Variants in MGAT4A observed in about 807,000 individuals in gnomAD.
MGAT4A encodes N-acetylglucosaminyltransferase IVa.
MGAT4A carries 33 observed loss-of-function variants against 74.1 expected under a neutral mutation model. The ratio of observed to expected loss-of-function variants is 0.45; its 90% CI spans 0.34 to 0.60. The LOEUF (loss-of-function observed/expected upper bound fraction) is 0.60. Ranked by LOEUF, MGAT4A falls within the 20% of genes least tolerant of loss-of-function variation. The pLI, the probability that MGAT4A is intolerant of heterozygous loss-of-function variation, is 0.02. For missense variants in MGAT4A, 479 were observed against 628.3 expected, an observed-to-expected ratio of 0.76 and a Z score of 2.54; for synonymous variants, 198 against 210.4, an observed-to-expected ratio of 0.94 and a Z score of 0.51.
rs922881757 is a variant in MGAT4A at position 98,623,465 on chromosome 2, T to C, written c.*2101A>G. 1 of 985,318 alleles carries C rather than the reference T, an allele frequency of 1.0e-6. No individual in the cohort carries two copies. The highest frequency in any genetic ancestry group is 1.2e-6 in the Non-Finnish European group (1 of 829,938). The allele number at this position is 985,318 out of a possible 1,614,324, so 61.0% of individuals were successfully genotyped here. A position where few individuals can be genotyped will look rare whatever the true frequency, so the allele number is the denominator to read the frequency against. ...GAGATTTTTACTTCTGGTACTCAGT[T>C]ATCTTTGCAGTAATTTAGTATACCA... is the stretch of plus-strand genomic sequence containing the variant. On this transcript the variant is annotated 3_prime_UTR_variant, in exon 16 of 16. Coordinates refer to ENST00000393487, the MANE Select transcript of MGAT4A (RefSeq NM_012214.3).
intron 2 of MGAT4A, among the ~76,000 whole-genome samples, chr2:98,706,891 T>C (rs200132405): frequency 4.2e-5 from 4 of 94,812 alleles, no homozygotes; most frequent in Non-Finnish European, 6.8e-5. Context: ...TCATTAAAAA[T>C]GAAAAAAAAA....
At chr2:98,663,375 C>A (rs1375324652) in intron 4 of MGAT4A, 196 bp from the exon 5 acceptor site, 7 of 1,520,766 alleles carry the variant, frequency 4.6e-6, no homozygotes, top group Non-Finnish European at 5.3e-6. Context: ...CATGGCTTAA[C>A]CATAAGAAAA....
intron 1 of MGAT4A, among the ~76,000 whole-genome samples, chr2:98,727,753 A>G (rs1702786180): frequency 6.6e-6 from 1 of 152,222 alleles, no homozygotes; most frequent in Admixed American, 6.5e-5. Context: ...AACACTGAAC[A>G]CTACTAGAAA....
At chr2:98,683,103 A>AT (rs1444917013) in intron 2 of MGAT4A, among the ~76,000 whole-genome samples, 5 of 150,718 alleles carry the variant, frequency 3.3e-5, no homozygotes, top group African/African-American at 1.2e-4. Flanking sequence ...AAAAACAAAA[A>AT]AAATAAAAAA....
chr2:98,717,327 C>T (rs1319078840), intron 2 of MGAT4A, among the ~76,000 whole-genome samples: 1 of 150,310 alleles, frequency 6.7e-6, no homozygotes, highest in Non-Finnish European at 1.5e-5. Flanking sequence ...TACAGTGAAC[C>T]GAGATCGTGC....
At chr2:98,708,064 C>A (rs1702464164) in intron 2 of MGAT4A, among the ~76,000 whole-genome samples, 1 of 151,962 alleles carries the variant, frequency 6.6e-6, no homozygotes, top group Non-Finnish European at 1.5e-5. Context: ...TGTAATAGAC[C>A]AAAATATATA....
intron 2 of MGAT4A, among the ~76,000 whole-genome samples, chr2:98,722,146 T>C (rs1210738456): frequency 1.3e-5 from 2 of 152,202 alleles, no homozygotes; most frequent in Non-Finnish European, 2.9e-5. Context: ...TTCCACTCCT[T>C]GGTAAATACC....
chr2:98,719,017 AAAG>A, intron 2 of MGAT4A, among the ~76,000 whole-genome samples: 1 of 152,160 alleles, frequency 6.6e-6, no homozygotes, highest in Non-Finnish European at 1.5e-5. Flanking sequence ...ATCTCTTCCC[AAAG>A]AAGGGGCTTC....
At chr2:98,657,928 ACT>A (rs1701682500) in intron 6 of MGAT4A, among the ~76,000 whole-genome samples, 1 of 152,024 alleles carries the variant, frequency 6.6e-6, no homozygotes, top group Non-Finnish European at 1.5e-5. Context: ...ATCTCATATG[ACT>A]CTCTCTGTAT....
In MGAT4A at chr2:98,623,126, G is replaced by T. The variant is rs1701085891; in HGVS notation, c.*2440C>A. The stretch of plus-strand genomic sequence containing the variant: ...TGCCACGTGCCTGGCACACACCCTA[G>T]GCACGGGTAGATTCATGGGGAGAGA... On this transcript the variant is annotated 3_prime_UTR_variant, in exon 16 of 16. Coordinates refer to ENST00000393487, the MANE Select transcript of MGAT4A (RefSeq NM_012214.3). 1 of 985,362 alleles carries T rather than the reference G, an allele frequency of 1.0e-6. No homozygotes were observed. The highest frequency in any genetic ancestry group is 6.2e-5 in the Admixed American group (1 of 16,254). The allele number at this position is 985,362 out of a possible 1,614,324, so 61.0% of individuals were successfully genotyped here. A position where few individuals can be genotyped will look rare whatever the true frequency, so the allele number is the denominator to read the frequency against.
At chr2:98,645,387 A>G in intron 9 of MGAT4A, 41 bp downstream of exon 9, 1 of 1,372,062 alleles carries the variant, frequency 7.3e-7, no homozygotes, top group South Asian at 1.4e-5. Flanking sequence ...TGAGAGTCAC[A>G]GTTATTTATG....
chr2:98,633,507 G>C (rs904727765), intron 14 of MGAT4A, among the ~76,000 whole-genome samples: 15 of 152,164 alleles, frequency 9.9e-5, no homozygotes, highest in African/African-American at 3.6e-4. Context: ...AGTTATAATT[G>C]TTTTGCTAAC....
At chr2:98,709,411 G>A (rs1702483792) in intron 2 of MGAT4A, among the ~76,000 whole-genome samples, 1 of 152,052 alleles carries the variant, frequency 6.6e-6, no homozygotes, top group Non-Finnish European at 1.5e-5. Flanking sequence ...ATGGACAAAG[G>A]ATAGATTTTG....
chr2:98,697,380 G>C (rs186714222), intron 2 of MGAT4A, among the ~76,000 whole-genome samples: 1 of 152,200 alleles, frequency 6.6e-6, no homozygotes. Context: ...AGGTTCCCAG[G>C]GGTTAGGGAT....
chr2:98,666,622 G>A (rs1216704758), intron 4 of MGAT4A, among the ~76,000 whole-genome samples: 2 of 152,028 alleles, frequency 1.3e-5, no homozygotes, highest in Non-Finnish European at 2.9e-5. Flanking sequence ...GAGCCTGGGA[G>A]GTAGAGGCTG....
At chr2:98,637,885 C>T (rs1701346942) in intron 12 of MGAT4A, among the ~76,000 whole-genome samples, 1 of 152,154 alleles carries the variant, frequency 6.6e-6, no homozygotes, top group Non-Finnish European at 1.5e-5. Flanking sequence ...AGTATGGTTA[C>T]GATACAGTTA....
intron 2 of MGAT4A, among the ~76,000 whole-genome samples, chr2:98,710,325 T>C (rs1702498029): frequency 6.6e-6 from 1 of 152,162 alleles, no homozygotes; most frequent in East Asian, 1.9e-4. Context: ...AGCCAGGTTG[T>C]GACAATGTAG....
At chr2:98,683,116 T>C (rs1285636887) in intron 2 of MGAT4A, among the ~76,000 whole-genome samples, 1 of 149,376 alleles carries the variant, frequency 6.7e-6, no homozygotes, top group Admixed American at 6.7e-5. Flanking sequence ...ATAAAAAAAA[T>C]AAATGGCTTC....
intron 2 of MGAT4A, among the ~76,000 whole-genome samples, chr2:98,691,650 G>A (rs983514841): frequency 7.9e-5 from 12 of 152,164 alleles, no homozygotes; most frequent in Non-Finnish European, 1.5e-4. Context: ...ACTGGTTTAT[G>A]TATTTACTAT....
Sources: gnomAD v4.1 joint callset for allele counts (sites outside exome capture counted in the v4.1 genomes callset) on GRCh38, gnomAD v4.1.1 for gene constraint, MANE v1.5 for transcripts, NCBI Gene and HGNC (gene_info 2026-07-23, HGNC 2026-07-21) for gene names.